Variants in ARHGAP6 observed in about 807,000 individuals in gnomAD.
ARHGAP6 encodes the protein Rho GTPase activating protein 6.
ARHGAP6 carries 16 observed loss-of-function variants against 55.7 expected under a neutral mutation model. The observed-to-expected ratio is 0.29, with a 90% confidence interval of 0.19 to 0.44. The LOEUF (loss-of-function observed/expected upper bound fraction) is 0.44, where lower values mean the gene tolerates loss of function less well. Among genes scored for constraint, ARHGAP6 ranks in the 20% least tolerant of loss-of-function variants. ARHGAP6 has a pLI of 1.00. For missense variants in ARHGAP6, 698 were observed against 808.9 expected (o/e 0.86, Z 1.66); for synonymous variants, 382 against 360.9 (o/e 1.06, Z -0.66).
chrX:11,575,713 T>C (rs1187387954), intron 1 of ARHGAP6, among the ~76,000 whole-genome samples: 1 of 112,023 alleles, frequency 8.9e-6, no homozygotes, highest in East Asian at 2.8e-4. Flanking sequence ...GGGAGAGAAT[T>C]TGGCAACTTT....
chrX:11,405,295 C>T (rs2049597526), intron 1 of ARHGAP6, among the ~76,000 whole-genome samples: 3 of 111,971 alleles, frequency 2.7e-5, no homozygotes, highest in Non-Finnish European at 5.6e-5. Flanking sequence ...CTCTGCTCCT[C>T]TTTGCTTTCT....
chrX:11,374,973 C>T (rs2049184506), intron 1 of ARHGAP6, among the ~76,000 whole-genome samples: 1 of 112,052 alleles, frequency 8.9e-6, no homozygotes, highest in South Asian at 3.7e-4. Context: ...TGTCAGTCTC[C>T]CTATTCTACA....
intron 4 of ARHGAP6, 117 bp downstream of exon 4, chrX:11,188,611 A>G (rs1367037115): frequency 2.9e-6 from 3 of 1,027,292 alleles, no homozygotes; most frequent in Non-Finnish European, 3.9e-6. Context: ...GGCATTGTTG[A>G]CAGATACCTG....
At chrX:11,590,844 A>G (rs1309018372) in intron 1 of ARHGAP6, among the ~76,000 whole-genome samples, 2 of 54,020 alleles carry the variant, frequency 3.7e-5, no homozygotes, top group African/African-American at 2.0e-4. Flanking sequence ...AAGAAAAGAA[A>G]AGAAAAGAAA....
At chrX:11,443,053 G>A (rs187009955) in intron 1 of ARHGAP6, among the ~76,000 whole-genome samples, 1 of 111,692 alleles carries the variant, frequency 9.0e-6, no homozygotes, top group Non-Finnish European at 1.9e-5. Context: ...TGAACCCCCT[G>A]TATAACGACC....
intron 2 of ARHGAP6, among the ~76,000 whole-genome samples, chrX:11,199,651 T>C (rs1413591388): frequency 8.9e-6 from 1 of 112,527 alleles, no homozygotes; most frequent in Admixed American, 9.4e-5. Flanking sequence ...ACAAGGATAA[T>C]ATATACTTTA....
At chrX:11,663,633 T>C (rs2052723235) in intron 1 of ARHGAP6, among the ~76,000 whole-genome samples, 2 of 111,936 alleles carry the variant, frequency 1.8e-5, no homozygotes, top group African/African-American at 6.5e-5. Context: ...ATTTCCATGA[T>C]CTTTCACACC....
intron 10 of ARHGAP6, among the ~76,000 whole-genome samples, chrX:11,152,798 G>A (rs945315646): frequency 8.9e-6 from 1 of 112,199 alleles, no homozygotes; most frequent in East Asian, 2.8e-4. Flanking sequence ...TATCCAACGT[G>A]GTAGATCTAA....
intron 1 of ARHGAP6, among the ~76,000 whole-genome samples, chrX:11,483,075 T>C (rs2050473925): frequency 8.9e-6 from 1 of 111,773 alleles, no homozygotes; most frequent in Non-Finnish European, 1.9e-5. Flanking sequence ...AGGAACACAG[T>C]CGAAGGCAGA....
intron 1 of ARHGAP6, among the ~76,000 whole-genome samples, chrX:11,306,044 T>A (rs1000023079): frequency 3.6e-5 from 4 of 111,406 alleles, no homozygotes; most frequent in Non-Finnish European, 5.7e-5. Context: ...ATCCCAAACA[T>A]CCGGGAGCAG....
intron 1 of ARHGAP6, among the ~76,000 whole-genome samples, chrX:11,438,769 G>A (rs2050012496): frequency 8.9e-6 from 1 of 112,678 alleles, no homozygotes; most frequent in African/African-American, 3.2e-5. Flanking sequence ...CAGAAAGACA[G>A]CAAATATTCC....
At chrX:11,347,725 A>G (rs1306490499) in intron 1 of ARHGAP6, among the ~76,000 whole-genome samples, 1 of 112,292 alleles carries the variant, frequency 8.9e-6, no homozygotes, top group Non-Finnish European at 1.9e-5. Context: ...GGAAAATGAC[A>G]CTTGCTAGCA....
chrX:11,561,948 A>G lies in ARHGAP6; in HGVS notation c.588+102293T>C, dbSNP rs772995744. ...GTGGCAACAATCACAAAATGGAAGC[A>G]CTGTGGGCCTACCACAGAAGCTGCT... On this transcript the variant is annotated intron_variant, in intron 1 of 12. Coordinates refer to ENST00000337414, the MANE Select transcript of ARHGAP6 (RefSeq NM_013427.3). 3.6e-5 allele frequency among the ~76,000 whole-genome samples: 4 copies of G among 112,174 alleles called. No homozygotes were observed. The South Asian group carries it at 1.5e-3, about 42-fold the overall frequency.
intron 2 of ARHGAP6, among the ~76,000 whole-genome samples, chrX:11,200,834 T>C (rs2046608652): frequency 8.9e-6 from 1 of 112,420 alleles, no homozygotes; most frequent in African/African-American, 3.2e-5. Context: ...GAATGAGGCT[T>C]ATAAAACAGT....
At chrX:11,645,921 A>G (rs1490429501) in intron 1 of ARHGAP6, among the ~76,000 whole-genome samples, 1 of 112,262 alleles carries the variant, frequency 8.9e-6, no homozygotes, top group African/African-American at 3.2e-5. Context: ...CTTAAGGAAG[A>G]GGAAAGCATG....
chrX:11,426,324 C>T (rs1356474471), intron 1 of ARHGAP6, among the ~76,000 whole-genome samples: 2 of 110,603 alleles, frequency 1.8e-5, no homozygotes, highest in Non-Finnish European at 3.8e-5. Flanking sequence ...AGTCCACCAC[C>T]CCTGTCCACC....
chrX:11,240,897 T>G (rs2047266601), intron 2 of ARHGAP6, among the ~76,000 whole-genome samples: 1 of 75,301 alleles, frequency 1.3e-5, no homozygotes, highest in Non-Finnish European at 2.4e-5. Context: ...ATACAAAAAT[T>G]AGCTGGGCAT....
At chrX:11,396,467 T>A (rs1357059032) in intron 1 of ARHGAP6, among the ~76,000 whole-genome samples, 3 of 111,783 alleles carry the variant, frequency 2.7e-5, no homozygotes, top group African/African-American at 6.5e-5. Flanking sequence ...GGGCAGGGGT[T>A]AAAGTTATCT....
chrX:11,276,160 A>G (rs2047761712), intron 1 of ARHGAP6, among the ~76,000 whole-genome samples: 1 of 111,586 alleles, frequency 9.0e-6, no homozygotes, highest in African/African-American at 3.3e-5. Flanking sequence ...CTATTTTTCC[A>G]GAAAACTCTA....
Sources: allele counts gnomAD v4.1 joint callset (sites outside exome capture counted in the v4.1 genomes callset), GRCh38; gene constraint gnomAD v4.1.1; transcripts MANE v1.5; gene names NCBI Gene and HGNC (gene_info 2026-07-23, HGNC 2026-07-21).